CELSR1: variants seen among roughly 807,000 people sequenced by gnomAD.
The protein encoded by CELSR1 is adhesion G protein-coupled receptor C1.
A neutral mutation model predicts 249.1 loss-of-function variants in CELSR1; 110 were observed. The observed-to-expected ratio is 0.44, with a 90% confidence interval of 0.38 to 0.52. The LOEUF (loss-of-function observed/expected upper bound fraction) is 0.52. CELSR1 is among the 20% of genes least tolerant of loss of function. CELSR1 has a pLI of 0.00. For synonymous variants in CELSR1, 2,113 were observed against 1,900.0 expected (o/e 1.11, Z -2.92); for missense variants, 4,109 against 4,296.4 (o/e 0.96, Z 1.22).
chr22:46,370,803 C>T (rs1247881024), intron 25 of CELSR1, among the ~76,000 whole-genome samples: 1 of 152,240 alleles, frequency 6.6e-6, no homozygotes, highest in Non-Finnish European at 1.5e-5. Flanking sequence ...AGGCAGCAGC[C>T]AGTGACCAGT....
intron 2 of CELSR1, among the ~76,000 whole-genome samples, chr22:46,460,178 AACACACACACACACACAC>A (rs544352270): frequency 1.9e-5 from 2 of 102,944 alleles, no homozygotes; most frequent in Admixed American, 9.0e-5. Flanking sequence ...TCAGTCTCAA[AACACACACACACACACAC>A]ACACACACAC....
At position 46,535,546 on chromosome 22, in the gene CELSR1, G is replaced by T. The variant is rs771286304; in HGVS notation, c.1625C>A (p.Pro542His). The T allele has an allele frequency of 6.2e-7, 1 of 1,613,302 alleles. No individual in the cohort carries two copies. The highest frequency in any genetic ancestry group is 1.1e-5 in the South Asian group (1 of 91,090). Residue 542 changes from proline to histidine, a missense_variant, in exon 1 of 35, where the codon CCC becomes CAC. Around this residue, in one of 7 missense-constraint regions of CELSR1, gnomAD observed 135 missense variants for 190.0 expected, o/e 0.71. Transcript: ENST00000674500. Reference sequence around the variant, plus strand: ...CACCCCTGAAGAATTGATGAGCGGGGGCCGGCCCCCATCCTGGGCCTTAAT... The same window carrying T: ...CACCCCTGAAGAATTGATGAGCGGGTGCCGGCCCCCATCCTGGGCCTTAAT... ...LSIKAQDGGR[P>H]PLINSSGVVS...
rs1232260034 is a variant in CELSR1 at position 46,410,992 on chromosome 22, G to A, written c.4770-431C>T. ...GGAGGCTGAGGCGGGCAGATCACGA[G>A]GTCAAGAGATCGAGACCATCCTGGC... is the stretch of plus-strand genomic sequence containing the variant. On this transcript the variant is annotated intron_variant, in intron 6 of 34. Transcript: ENST00000674500. The surrounding 1 kb of genome is among the most constrained non-coding windows in gnomAD (Gnocchi z 6.8). Among the ~76,000 whole-genome samples the A allele has an allele frequency of 6.6e-6, 1 of 152,124 alleles. No homozygotes were observed. Among genetic ancestry groups the A allele is most frequent in the Admixed American group, 6.5e-5 (1 of 15,276 alleles).
intron 2 of CELSR1, among the ~76,000 whole-genome samples, chr22:46,456,909 G>A (rs1051612041): frequency 3.4e-5 from 5 of 148,822 alleles, no homozygotes; most frequent in Non-Finnish European, 4.5e-5. Flanking sequence ...GGGGTGGGGG[G>A]CTCATACAGG....
intron 22 of CELSR1, among the ~76,000 whole-genome samples, chr22:46,379,081 G>A (rs559465831): frequency 5.3e-5 from 8 of 152,294 alleles, no homozygotes; most frequent in South Asian, 4.1e-4. Context: ...GGGCTGTCTC[G>A]CGTCCGCCCC....
At chr22:46,529,847 G>T (rs1201099918) in intron 1 of CELSR1, among the ~76,000 whole-genome samples, 1 of 151,608 alleles carries the variant, frequency 6.6e-6, no homozygotes. Context: ...CCAACAGTGA[G>T]ACTACAGTCA....
rs771193237 is a variant in CELSR1, at chr22:46,366,447, C to G, written c.8239G>C (p.Gly2747Arg). Reference protein sequence around the residue: ...SLNCNTTFGDGPDMLRTDLGE... With the variant: ...SLNCNTTFGDRPDMLRTDLGE... Reference sequence around the variant, plus strand: ...AAGTCTGTGCGCAGCATGTCAGGCCCGTCACCGAAGGTGGTGTTGCAGTTG... The same window carrying G: ...AAGTCTGTGCGCAGCATGTCAGGCCGGTCACCGAAGGTGGTGTTGCAGTTG... The change falls in exon 30 of 35, where the codon GGG becomes CGG. Residue 2747 changes from glycine to arginine, a missense_variant. Transcript: ENST00000674500. 2.6e-6 allele frequency: 4 copies of G among 1,550,148 alleles called. No individual in the cohort carries two copies. The highest frequency in any genetic ancestry group is 3.5e-6 in the Non-Finnish European group (4 of 1,146,716).
At chr22:46,370,285 C>A in intron 25 of CELSR1, 1 of 374,320 alleles carries the variant, frequency 2.7e-6, no homozygotes, top group South Asian at 2.0e-5. Context: ...ACCCCCATAC[C>A]ACATCCAACC....
chr22:46,398,784 G>A lies in CELSR1; in HGVS notation c.5413-147C>T. ...GGACATCTGGGCCTCCAAAGAGAGA[G>A]CTGGGCCCAGCTGGACAGCGAGGCT... On this transcript the variant is annotated intron_variant, in intron 10 of 34. Coordinates refer to ENST00000674500, the MANE Select transcript of CELSR1 (RefSeq NM_001378328.1). This position sits in a 1 kb window ranked among gnomAD's most constrained non-coding sequence, Gnocchi z 7.2. The A allele has an allele frequency of 1.7e-6, 1 of 602,478 alleles. No homozygotes were observed. Among genetic ancestry groups the A allele is most frequent in the Non-Finnish European group, 2.8e-6 (1 of 354,878 alleles). The allele number at this position is 602,478 out of a possible 1,614,324, so 37.3% of individuals were successfully genotyped here.
Position 46,378,723 on chromosome 22 carries a change from G to A in CELSR1, c.7257-6C>T, listed in dbSNP as rs766271158. 2 of 1,610,640 alleles carry A rather than the reference G, an allele frequency of 1.2e-6. No homozygotes were observed. Among genetic ancestry groups the A allele is most frequent in the Non-Finnish European group, 1.7e-6 (2 of 1,178,222 alleles). ...ACCCTCCCGTCCCACCAACGCTGCGGAGAGGACAGAGAAGGGGCAGGGGTA... is the reference window on the plus strand; with the variant it reads ...ACCCTCCCGTCCCACCAACGCTGCGAAGAGGACAGAGAAGGGGCAGGGGTA... On this transcript the variant is annotated splice_polypyrimidine_tract_variant and splice_region_variant and intron_variant, in intron 22 of 34. Coordinates refer to ENST00000674500, the MANE Select transcript of CELSR1 (RefSeq NM_001378328.1).
chr22:46,474,569 TA>T (rs542376383), intron 1 of CELSR1, among the ~76,000 whole-genome samples: 1 of 152,168 alleles, frequency 6.6e-6, no homozygotes, highest in Non-Finnish European at 1.5e-5. Flanking sequence ...ATTTATCATT[TA>T]TTTGTGGTAA....
intron 1 of CELSR1, among the ~76,000 whole-genome samples, chr22:46,503,682 G>C (rs755202756): frequency 3.6e-4 from 55 of 152,224 alleles, no homozygotes; most frequent in Non-Finnish European, 4.3e-4. Flanking sequence ...AGTTAAGCAA[G>C]TTGTCCAATG....
chr22:46,416,521 G>A (rs1219137938), intron 5 of CELSR1, among the ~76,000 whole-genome samples: 1 of 152,168 alleles, frequency 6.6e-6, no homozygotes, highest in African/African-American at 2.4e-5. Flanking sequence ...GACAGCAGGG[G>A]CTGCCCACGG....
chr22:46,419,719 C>T (rs916739446), intron 5 of CELSR1, among the ~76,000 whole-genome samples: 5 of 152,206 alleles, frequency 3.3e-5, no homozygotes, highest in African/African-American at 7.2e-5. Context: ...CTCACACTCA[C>T]GTGTGTACAC....
intron 18 of CELSR1, 89 bp downstream of exon 18, chr22:46,389,201 G>A (rs1016409765): frequency 7.2e-7 from 1 of 1,381,406 alleles, no homozygotes; most frequent in South Asian, 1.2e-5. Context: ...TCCACGAACT[G>A]AGGTAGACGC....
chr22:46,483,692 G>T (rs1176615258), intron 1 of CELSR1, among the ~76,000 whole-genome samples: 1 of 152,134 alleles, frequency 6.6e-6, no homozygotes, highest in Non-Finnish European at 1.5e-5. Flanking sequence ...AGCAGATTCT[G>T]CTACCCCAGT....
intron 20 of CELSR1, 150 bp from the exon 21 acceptor site, chr22:46,382,200 T>C (rs867086857): frequency 4.7e-5 from 33 of 699,174 alleles, no homozygotes; most frequent in South Asian, 4.1e-5. Context: ...ACAGGACTTA[T>C]CACATGACCC....
chr22:46,365,340 C>G lies in CELSR1; in HGVS notation c.8445G>C (p.Glu2815Asp), dbSNP rs1372842913. The G allele has an allele frequency of 1.2e-6, 2 of 1,612,968 alleles. No homozygotes were observed. The highest frequency in any genetic ancestry group is 3.3e-5 in the Admixed American group (2 of 60,024). The change falls in exon 32 of 35, where the codon GAG (glutamate) becomes GAC (aspartate). Residue 2815 changes from glutamate to aspartate, a missense_variant. Coordinates refer to ENST00000674500, the MANE Select transcript of CELSR1 (RefSeq NM_001378328.1). ...GTGAGGAGGCGTAAGAGCTGCTCTG[C>G]TCATCCAGGGACAGCTCGCTATCTG... The part of the protein sequence containing the change: ...SDSDSELSLD[E>D]QSSSYASSHS...
rs1351514979 is a variant in CELSR1, at chr22:46,436,703, G to C, written c.4407-414C>G. On this transcript the variant is annotated intron_variant, in intron 3 of 34. Transcript: ENST00000674500. The surrounding 1 kb of genome is among the most constrained non-coding windows in gnomAD (Gnocchi z 5.9). ...TGGTACCTTCCCAGGCAGGGATGATGCTATGGAAGGACCATTCTTATGGCC... is the reference window on the plus strand; with the variant it reads ...TGGTACCTTCCCAGGCAGGGATGATCCTATGGAAGGACCATTCTTATGGCC... 6.6e-6 allele frequency among the ~76,000 whole-genome samples: 1 copy of C among 152,120 alleles called. No individual in the cohort carries two copies. The highest frequency in any genetic ancestry group is 1.5e-5 in the Non-Finnish European group (1 of 68,034).
Sources: allele counts gnomAD v4.1 joint callset (sites outside exome capture counted in the v4.1 genomes callset), GRCh38; gene constraint gnomAD v4.1.1; regional missense constraint gnomAD v4.1.1; non-coding constraint Gnocchi (gnomAD v3.1); transcripts MANE v1.5; gene names NCBI Gene and HGNC (gene_info 2026-07-23, HGNC 2026-07-21).